Variants in CNTRL observed in about 807,000 individuals in gnomAD.
The protein encoded by CNTRL is centriolin, also known as 110 kDa centrosomal protein.
A neutral mutation model predicts 303.7 loss-of-function variants in CNTRL; 233 were observed. The ratio of observed to expected loss-of-function variants is 0.77; its 90% CI spans 0.69 to 0.86. CNTRL has a LOEUF of 0.86. Among genes scored for constraint, CNTRL ranks in the 40% least tolerant of loss-of-function variants. The pLI is 0.00. For synonymous variants in CNTRL, 900 were observed against 922.2 expected (o/e 0.98, Z 0.44); for missense variants, 2,524 against 2,650.6 (o/e 0.95, Z 1.05).
At chr9:121,126,184 T>C (rs1266624009) in intron 14 of CNTRL, among the ~76,000 whole-genome samples, 1 of 152,200 alleles carries the variant, frequency 6.6e-6, no homozygotes, top group Non-Finnish European at 1.5e-5. Flanking sequence ...TGAAAGGTAT[T>C]GTTGCCAAAT....
intron 26 of CNTRL, among the ~76,000 whole-genome samples, chr9:121,152,944 A>G (rs2134282736): frequency 6.6e-6 from 1 of 152,288 alleles, no homozygotes; most frequent in South Asian, 2.1e-4. Flanking sequence ...TTTGGCCAAT[A>G]ATACAAATCA....
chr9:121,116,096 T>C (rs1564223873), intron 11 of CNTRL, among the ~76,000 whole-genome samples: 1 of 151,988 alleles, frequency 6.6e-6, no homozygotes, highest in Non-Finnish European at 1.5e-5. Flanking sequence ...AGCATCAGTG[T>C]TGTAAGAAAA....
intron 12 of CNTRL, among the ~76,000 whole-genome samples, chr9:121,123,085 AT>A (rs1160575643): frequency 2.0e-5 from 3 of 152,174 alleles, no homozygotes; most frequent in African/African-American, 7.2e-5. Context: ...TAAAAAGTAG[AT>A]TTAATTTTTT....
At chr9:121,107,747 C>A in intron 7 of CNTRL, 55 bp from the exon 8 acceptor site, 1 of 1,098,072 alleles carries the variant, frequency 9.1e-7, no homozygotes, top group Non-Finnish European at 1.3e-6. Flanking sequence ...ATATTCTTAC[C>A]TTTTTAAAAA....
At position 121,115,119 on chromosome 9, in the gene CNTRL, T is replaced by C. The variant is rs371719658; in HGVS notation, c.1374T>C (p.Asp458=). The C allele has an allele frequency of 3.1e-5, 50 of 1,610,416 alleles. No individual in the cohort carries two copies. The Middle Eastern group carries it at 1.7e-3, about 53-fold the overall frequency. The change falls in exon 11 of 44, where the codon GAT becomes GAC. Residue 458 remains aspartate, a synonymous_variant. Transcript: ENST00000373855. ...AAQTRLSELH[D]EIEKAEQQIL... ...AAACTCGACTATCAGAACTGCATGATGAAATAGAAAAGGCAGAACAACAAA... is the reference window on the plus strand; with the variant it reads ...AAACTCGACTATCAGAACTGCATGACGAAATAGAAAAGGCAGAACAACAAA...
At chr9:121,135,761 C>T (rs762640645) in intron 14 of CNTRL, 45 bp from the exon 15 acceptor site, 1 of 1,531,220 alleles carries the variant, frequency 6.5e-7, no homozygotes, top group South Asian at 1.2e-5. Context: ...AATGCTTAAG[C>T]AGCACAGTGA....
intron 1 of CNTRL, among the ~76,000 whole-genome samples, chr9:121,078,779 T>C (rs1455479315): frequency 6.6e-6 from 1 of 152,192 alleles, no homozygotes; most frequent in Non-Finnish European, 1.5e-5. Context: ...CTTACTTACA[T>C]TTACTGGTTT....
At chr9:121,080,089 A>G (rs926466147) in intron 1 of CNTRL, among the ~76,000 whole-genome samples, 4 of 152,204 alleles carry the variant, frequency 2.6e-5, no homozygotes, top group African/African-American at 7.2e-5. Flanking sequence ...AGATAGCTAT[A>G]TGACATGGTC....
chr9:121,096,432 G>C lies in CNTRL; in HGVS notation c.490G>C (p.Gly164Arg). Residue 164 changes from glycine to arginine, a missense_variant, in exon 6 of 44, where the codon GGC becomes CGC. By Grantham distance (125) the Gly-to-Arg change is moderately radical. Coordinates refer to ENST00000373855, the MANE Select transcript of CNTRL (RefSeq NM_007018.6). ...TCCTTTGCTTTCCAGCAAAATTGAA[G>C]GCATAGAAAATATGTGTAATCTGCA... The part of the protein sequence containing the change: ...LSYNKISKIE[G>R]IENMCNLQKL... 1 of 1,527,172 alleles carries C rather than the reference G, an allele frequency of 6.5e-7. No individual in the cohort carries two copies. The highest frequency in any genetic ancestry group is 8.8e-7 in the Non-Finnish European group (1 of 1,133,486). The allele number at this position is 1,527,172 out of a possible 1,614,324, so 94.6% of individuals were successfully genotyped here.
chr9:121,150,086 T>G (rs914530585), intron 24 of CNTRL, 84 bp from the exon 25 acceptor site: 1 of 1,087,296 alleles, frequency 9.2e-7, no homozygotes, highest in Non-Finnish European at 1.3e-6. Context: ...ATGCTGCTGT[T>G]CTCTACTAAA....
intron 7 of CNTRL, among the ~76,000 whole-genome samples, chr9:121,107,020 A>G (rs2049507989): frequency 6.6e-6 from 1 of 152,102 alleles, no homozygotes; most frequent in Admixed American, 6.6e-5. Context: ...TAGTGGGGAA[A>G]GGCAGACAGC....
At chr9:121,163,965 C>T (rs2146835) in intron 34 of CNTRL, among the ~76,000 whole-genome samples, 17,637 of 151,344 alleles carry the variant, frequency 0.12, 1,196 homozygotes, top group East Asian at 0.18. Context: ...TCCGGGTTCA[C>T]GGCATTCTCC....
intron 40 of CNTRL, 108 bp downstream of exon 40, chr9:121,171,656 G>A (rs1334363658): frequency 2.6e-6 from 3 of 1,134,358 alleles, no homozygotes; most frequent in Admixed American, 6.6e-5. Context: ...TAGAAAAGCT[G>A]ATTATAAGAA....
chr9:121,157,111 T>TCACAGTG (rs1477404808), intron 27 of CNTRL, among the ~76,000 whole-genome samples: 1 of 152,248 alleles, frequency 6.6e-6, no homozygotes, highest in Non-Finnish European at 1.5e-5. Flanking sequence ...ACAGTTGCTC[T>TCACAGTG]CACAGTGCTT....
intron 40 of CNTRL, among the ~76,000 whole-genome samples, chr9:121,172,184 C>CT (rs1394897191): frequency 6.6e-6 from 1 of 151,784 alleles, no homozygotes; most frequent in Non-Finnish European, 1.5e-5. Flanking sequence ...GAAAAAATAA[C>CT]CAAAAAAAAA....
rs759602091 is a variant in CNTRL, at chr9:121,112,516, C to G, written c.1060C>G (p.Gln354Glu). The G allele has an allele frequency of 5.0e-6, 8 of 1,612,276 alleles. No individual in the cohort carries two copies. The South Asian group carries it at 8.8e-5, about 18-fold the overall frequency. Reference sequence around the variant, plus strand: ...ATGTCAGAAGCAATATGAGCTGGAACAGGAATTGGCCTTTTATAAAATTGA... The same window carrying G: ...ATGTCAGAAGCAATATGAGCTGGAAGAGGAATTGGCCTTTTATAAAATTGA... ...RACQKQYELE[Q>E]ELAFYKIDAK... is the part of the protein sequence containing the mutation. Residue 354 changes from glutamine to glutamate, a missense_variant, in exon 9 of 44, where the codon CAG becomes GAG. By Grantham distance (29) the Gln-to-Glu change is conservative. Coordinates refer to ENST00000373855, the MANE Select transcript of CNTRL (RefSeq NM_007018.6).
chr9:121,133,692 G>C (rs1297269844), intron 14 of CNTRL, among the ~76,000 whole-genome samples: 3 of 152,228 alleles, frequency 2.0e-5, no homozygotes, highest in African/African-American at 4.8e-5. Flanking sequence ...AGATAAACCA[G>C]GTACCTCAGT....
chr9:121,107,828 C>G lies in CNTRL; in HGVS notation c.835C>G (p.Leu279Val). Residue 279 changes from leucine (L) to valine (V), a missense_variant, in exon 8 of 44, where the codon CTA becomes GTA. Coordinates refer to ENST00000373855, the MANE Select transcript of CNTRL (RefSeq NM_007018.6). ...AGAGGTAGAAAGACTGGAAAGAGAC[C>G]TAGAAAAAAAGATGATAGAAACTGA... ...LEEVERLERD[L>V]EKKMIETEEL... is the part of the protein sequence containing the mutation. 1.3e-6 allele frequency: 2 copies of G among 1,580,696 alleles called. No homozygotes were observed. The highest frequency in any genetic ancestry group is 1.7e-6 in the Non-Finnish European group (2 of 1,169,204).
At chr9:121,147,476 G>C (rs949437738) in intron 23 of CNTRL, among the ~76,000 whole-genome samples, 1 of 152,168 alleles carries the variant, frequency 6.6e-6, no homozygotes, top group Admixed American at 6.5e-5. Flanking sequence ...TGAGCTTTCG[G>C]TGGGGCTCTT....
Sources: allele counts gnomAD v4.1 joint callset (sites outside exome capture counted in the v4.1 genomes callset), GRCh38; gene constraint gnomAD v4.1.1; transcripts MANE v1.5; gene names NCBI Gene and HGNC (gene_info 2026-07-23, HGNC 2026-07-21).